Variants in RAP1A observed in about 807,000 individuals in gnomAD.
The protein encoded by RAP1A is RAP1A, member of RAS oncogene family.
Under a neutral mutation model 26.4 loss-of-function variants are expected in RAP1A, and 6 were observed. The ratio of observed to expected loss-of-function variants is 0.23; its 90% confidence interval spans 0.12 to 0.45. The LOEUF is 0.45. Among genes scored for constraint, RAP1A ranks in the 20% least tolerant of loss-of-function variants. The pLI is 0.99. For synonymous variants in RAP1A, 73 were observed against 79.4 expected, an observed-to-expected ratio of 0.92 and a Z score of 0.43; for missense variants, 121 against 217.2, an observed-to-expected ratio of 0.56 and a Z score of 2.78.
chr1:111,614,260 G>T (rs1252339789), intron 1 of RAP1A, among the ~76,000 whole-genome samples: 1 of 152,188 alleles, frequency 6.6e-6, no homozygotes, highest in Admixed American at 6.5e-5. Context: ...TAGATATTGT[G>T]AAAACTGTAA....
intron 1 of RAP1A, among the ~76,000 whole-genome samples, chr1:111,614,343 C>A (rs4839154): frequency 0.18 from 27,522 of 152,094 alleles, 2,883 homozygotes; most frequent in South Asian, 0.23. Flanking sequence ...TTTTTCCTGC[C>A]TTTGTATCCT....
chr1:111,644,045 G>A lies in RAP1A; in HGVS notation c.-28+24111G>A, dbSNP rs570504483. Among the ~76,000 whole-genome samples, 7 of 152,228 alleles carry A rather than the reference G, an allele frequency of 4.6e-5. No individual in the cohort carries two copies. The East Asian group carries it at 1.2e-3, about 25-fold the overall frequency. On this transcript the variant is annotated intron_variant, in intron 1 of 7. Coordinates refer to ENST00000369709, the MANE Select transcript of RAP1A (RefSeq NM_002884.4). ...GATGAGGCCTACTCACATTATTGAC[G>A]ATAATCTCCTTAAAGTCAGCTGATT...
intron 1 of RAP1A, among the ~76,000 whole-genome samples, chr1:111,569,867 A>C (rs980920418): frequency 6.6e-6 from 1 of 152,196 alleles, no homozygotes; most frequent in East Asian, 1.9e-4. Context: ...ACAGGAATTC[A>C]AAGGTCTCAC....
At chr1:111,653,669 G>A (rs140057551) in intron 1 of RAP1A, among the ~76,000 whole-genome samples, 10,013 of 122,984 alleles carry the variant, frequency 0.081, 421 homozygotes, top group African/African-American at 0.15. Flanking sequence ...GGCTACAAGA[G>A]CGAAACTCTG....
chr1:111,693,117 A>G (rs1661717170), intron 2 of RAP1A, among the ~76,000 whole-genome samples: 1 of 152,182 alleles, frequency 6.6e-6, no homozygotes, highest in African/African-American at 2.4e-5. Context: ...CTAGCATAGA[A>G]GAAGGTGTCT....
At chr1:111,600,235 C>T (rs1173129640) in intron 1 of RAP1A, 2 of 152,298 alleles carry the variant, frequency 1.3e-5, no homozygotes, top group African/African-American at 4.8e-5. Flanking sequence ...CCATTCCTCT[C>T]TAAACCCCTC....
chr1:111,681,258 A>T (rs1228282970), intron 1 of RAP1A, among the ~76,000 whole-genome samples: 1 of 152,198 alleles, frequency 6.6e-6, no homozygotes, highest in Admixed American at 6.5e-5. Context: ...AGGGGAAAAA[A>T]TGCTGAAAAT....
At chr1:111,638,570 G>A (rs1355659113) in intron 1 of RAP1A, among the ~76,000 whole-genome samples, 3 of 152,172 alleles carry the variant, frequency 2.0e-5, no homozygotes, top group Non-Finnish European at 2.9e-5. Context: ...GACTACAGGC[G>A]CATGCCAACA....
chr1:111,571,365 C>G (rs1215435552), intron 1 of RAP1A, among the ~76,000 whole-genome samples: 1 of 152,162 alleles, frequency 6.6e-6, no homozygotes, highest in African/African-American at 2.4e-5. Context: ...ATTTCAAGAG[C>G]CCTGCCTCCC....
chr1:111,608,217 C>G (rs1160698842), intron 1 of RAP1A: 1 of 161,930 alleles, frequency 6.2e-6, no homozygotes, highest in Non-Finnish European at 1.4e-5. Flanking sequence ...CCTCACCTCC[C>G]AGACGGGGTC....
chr1:111,573,639 C>A (rs1203529940), intron 1 of RAP1A, among the ~76,000 whole-genome samples: 1 of 152,106 alleles, frequency 6.6e-6, no homozygotes, highest in East Asian at 1.9e-4. Context: ...CCGGCCTTGA[C>A]TTTTTAATAA....
upstream of RAP1A, among the ~76,000 whole-genome samples, chr1:111,618,522 T>C (rs1438183692): frequency 6.6e-6 from 1 of 152,192 alleles, no homozygotes; most frequent in African/African-American, 2.4e-5. Flanking sequence ...TGATCCTAAC[T>C]AGACTTAAGA....
chr1:111,628,261 A>T (rs566953637), intron 1 of RAP1A, among the ~76,000 whole-genome samples: 1 of 152,356 alleles, frequency 6.6e-6, no homozygotes, highest in Admixed American at 6.5e-5. Context: ...GTTTCTGTTT[A>T]CATGAATAAA....
upstream of RAP1A, among the ~76,000 whole-genome samples, chr1:111,618,304 C>T (rs1299331236): frequency 2.0e-5 from 3 of 152,164 alleles, no homozygotes; most frequent in South Asian, 2.1e-4. Context: ...ATCCAGTGTT[C>T]AAATTCTCAG....
At chr1:111,564,846 T>C (rs990438242) in intron 1 of RAP1A, among the ~76,000 whole-genome samples, 2 of 152,052 alleles carry the variant, frequency 1.3e-5, no homozygotes, top group African/African-American at 4.8e-5. Context: ...AAAAAGTTAC[T>C]TAGGTGAATG....
intron 1 of RAP1A, among the ~76,000 whole-genome samples, chr1:111,652,675 T>C (rs1660311969): frequency 1.3e-5 from 2 of 152,048 alleles, no homozygotes; most frequent in South Asian, 4.1e-4. Context: ...TATTATTTCA[T>C]ACACACTAGG....
chr1:111,648,196 TGTGTGTGTA>T (rs1476655518), intron 1 of RAP1A: 2 of 320,650 alleles, frequency 6.2e-6, no homozygotes, highest in Non-Finnish European at 1.1e-5. Context: ...TGTGTGTGTG[TGTGTGTGTA>T]TTTTTTTTTT....
At chr1:111,613,722 T>C (rs148265341) in intron 1 of RAP1A, among the ~76,000 whole-genome samples, 83 of 152,332 alleles carry the variant, frequency 5.4e-4, no homozygotes, top group Admixed American at 4.4e-3. Context: ...ATCACTTGCT[T>C]GGATATCACA....
chr1:111,552,021 G>A (rs1037324994), intron 1 of RAP1A, among the ~76,000 whole-genome samples: 1 of 152,200 alleles, frequency 6.6e-6, no homozygotes, highest in Non-Finnish European at 1.5e-5. Context: ...ATCTCATTTA[G>A]GCTTTTCTCC....
Sources: gnomAD v4.1 joint callset for allele counts (sites outside exome capture counted in the v4.1 genomes callset) on GRCh38, gnomAD v4.1.1 for gene constraint, MANE v1.5 for transcripts, NCBI Gene and HGNC (gene_info 2026-07-23, HGNC 2026-07-21) for gene names.